Variants in ARHGAP24 observed in about 807,000 individuals in gnomAD.
The protein encoded by ARHGAP24 is Rho GTPase activating protein 24.
In ARHGAP24, 50 loss-of-function variants were observed where a neutral mutation model predicts 76.4. The observed-to-expected ratio is 0.65, with a 90% CI of 0.52 to 0.83. The LOEUF (loss-of-function observed/expected upper bound fraction) is 0.83, where lower values mean the gene tolerates loss of function less well. ARHGAP24 is among the 40% of genes least tolerant of loss of function. The pLI, the probability that ARHGAP24 is intolerant of heterozygous loss-of-function variation, is 0.00. For missense variants in ARHGAP24, 930 were observed against 914.2 expected (o/e 1.02, Z -0.22); for synonymous variants, 345 against 323.3 (o/e 1.07, Z -0.72).
At chr4:85,625,619 G>T (rs1720917201) in intron 2 of ARHGAP24, among the ~76,000 whole-genome samples, 3 of 152,042 alleles carry the variant, frequency 2.0e-5, no homozygotes. Flanking sequence ...TCAATTCCTG[G>T]ATATCCTTGT....
rs1578182329 is a variant in ARHGAP24 at position 85,490,049 on chromosome 4, T to C, written c.-21+14490T>C. On this transcript the variant is annotated intron_variant, in intron 1 of 9. Coordinates refer to ENST00000395184, the MANE Select transcript of ARHGAP24 (RefSeq NM_001025616.3). ...GAGCTGTATTATTAATGTGAAATGC[T>C]AGAATAATTCAGCAAGAGTAAATGA... is the stretch of plus-strand genomic sequence containing the variant. Among the ~76,000 whole-genome samples the C allele has an allele frequency of 2.0e-5, 3 of 152,174 alleles. No homozygotes were observed. The East Asian group carries it at 5.8e-4, about 29-fold the overall frequency.
chr4:85,780,689 C>T (rs766590378), intron 3 of ARHGAP24, among the ~76,000 whole-genome samples: 2 of 152,106 alleles, frequency 1.3e-5, no homozygotes, highest in Non-Finnish European at 1.5e-5. Flanking sequence ...GAATAAGAGG[C>T]AATAACTTTA....
intron 3 of ARHGAP24, among the ~76,000 whole-genome samples, chr4:85,914,343 G>A (rs1374737225): frequency 6.6e-6 from 1 of 151,946 alleles, no homozygotes. Context: ...ATGATGCATC[G>A]GGATCACCCA....
intron 3 of ARHGAP24, among the ~76,000 whole-genome samples, chr4:85,742,694 A>C (rs888186558): frequency 6.6e-5 from 10 of 152,106 alleles, no homozygotes; most frequent in Non-Finnish European, 1.3e-4. Context: ...GATTTCTGTG[A>C]CTCCAAAGTA....
intron 3 of ARHGAP24, among the ~76,000 whole-genome samples, chr4:85,819,374 T>G (rs1050730462): frequency 3.9e-5 from 6 of 152,100 alleles, no homozygotes; most frequent in South Asian, 2.1e-4. Flanking sequence ...AATTGAAACA[T>G]AGAGAGGAAA....
chr4:85,845,945 G>A (rs539498793), intron 3 of ARHGAP24, among the ~76,000 whole-genome samples: 40 of 150,410 alleles, frequency 2.7e-4, no homozygotes, highest in African/African-American at 9.8e-4. Flanking sequence ...TGCTCTTATT[G>A]TCCAGGCTGG....
intron 2 of ARHGAP24, among the ~76,000 whole-genome samples, chr4:85,580,002 G>C (rs1008645331): frequency 6.6e-6 from 1 of 152,084 alleles, no homozygotes; most frequent in African/African-American, 2.4e-5. Flanking sequence ...TATGGTAACT[G>C]TATGTTTAAC....
intron 2 of ARHGAP24, among the ~76,000 whole-genome samples, chr4:85,600,018 A>G (rs573104845): frequency 5.3e-5 from 8 of 152,286 alleles, no homozygotes; most frequent in African/African-American, 1.9e-4. Context: ...AATAAATAGT[A>G]TAGTTATAAA....
At chr4:85,829,603 A>G (rs994545548) in intron 3 of ARHGAP24, among the ~76,000 whole-genome samples, 3 of 152,234 alleles carry the variant, frequency 2.0e-5, no homozygotes, top group African/African-American at 7.2e-5. Flanking sequence ...CAAAGAATTG[A>G]TGATTGGCAT....
intron 2 of ARHGAP24, among the ~76,000 whole-genome samples, chr4:85,603,363 C>T (rs28652904): frequency 0.012 from 1,751 of 152,258 alleles, 37 homozygotes; most frequent in African/African-American, 0.039. Flanking sequence ...TTAGCTGTGA[C>T]GCACTTACCA....
At position 85,815,686 on chromosome 4, in the gene ARHGAP24, G is replaced by A. The variant is rs563251699; in HGVS notation, c.268+93714G>A. Among the ~76,000 whole-genome samples the A allele has an allele frequency of 5.9e-5, 9 of 152,268 alleles. No individual in the cohort carries two copies. In the East Asian group the frequency reaches 1.7e-3, roughly 29 times the overall value. ...GTTCAAAACTTTCCCATATTTTCCT[G>A]TCTTCTTCTGAGCCCTCCAAACTGT... is the stretch of plus-strand genomic sequence containing the variant. On this transcript the variant is annotated intron_variant, in intron 3 of 9. Coordinates refer to ENST00000395184, the MANE Select transcript of ARHGAP24 (RefSeq NM_001025616.3).
intron 3 of ARHGAP24, among the ~76,000 whole-genome samples, chr4:85,784,939 CTATCTATCTA>C (rs1727750681): frequency 6.6e-6 from 1 of 150,856 alleles, no homozygotes. Context: ...ATCTATCTAT[CTATCTATCTA>C]TCTATCTATC....
chr4:85,550,738 A>G (rs968320364), intron 1 of ARHGAP24, among the ~76,000 whole-genome samples: 2 of 151,990 alleles, frequency 1.3e-5, no homozygotes, highest in Admixed American at 6.6e-5. Context: ...GTAGTGTTTT[A>G]TAATTCTTGT....
intron 1 of ARHGAP24, among the ~76,000 whole-genome samples, chr4:85,506,825 A>G (rs1233406584): frequency 6.6e-6 from 1 of 152,166 alleles, no homozygotes; most frequent in African/African-American, 2.4e-5. Flanking sequence ...CGTCTTCTGC[A>G]TCAGTCACGC....
intron 3 of ARHGAP24, among the ~76,000 whole-genome samples, chr4:85,875,489 A>G (rs1441144742): frequency 1.1e-5 from 1 of 87,120 alleles, no homozygotes; most frequent in Admixed American, 2.1e-4. Context: ...CTTATATATT[A>G]TATTATATAT....
intron 2 of ARHGAP24, among the ~76,000 whole-genome samples, chr4:85,671,841 T>C (rs1454066710): frequency 1.3e-5 from 2 of 152,190 alleles, no homozygotes; most frequent in Non-Finnish European, 1.5e-5. Flanking sequence ...AATGTACTAT[T>C]GGACACATGC....
chr4:85,708,450 T>C (rs1429374799), intron 2 of ARHGAP24, among the ~76,000 whole-genome samples: 1 of 152,156 alleles, frequency 6.6e-6, no homozygotes, highest in African/African-American at 2.4e-5. Context: ...CATTTACTAA[T>C]GAGAAAACAG....
rs558127866 is a variant in ARHGAP24, at chr4:85,682,590, C to T, written c.181-39295C>T. On this transcript the variant is annotated intron_variant, in intron 2 of 9. Coordinates refer to ENST00000395184, the MANE Select transcript of ARHGAP24 (RefSeq NM_001025616.3). Reference sequence around the variant, plus strand: ...TGGAAATGCAGAATCATCAGTTTAGCCTCCAGAGAGATAATTCAAGTAATT... The same window carrying T: ...TGGAAATGCAGAATCATCAGTTTAGTCTCCAGAGAGATAATTCAAGTAATT... Among the ~76,000 whole-genome samples the T allele has an allele frequency of 3.3e-5, 5 of 152,332 alleles. No individual in the cohort carries two copies. The East Asian group carries it at 9.6e-4, about 29-fold the overall frequency.
chr4:85,620,020 C>T (rs971571366), intron 2 of ARHGAP24, among the ~76,000 whole-genome samples: 2 of 151,786 alleles, frequency 1.3e-5, no homozygotes, highest in Non-Finnish European at 1.5e-5. Flanking sequence ...TCCCACTTGA[C>T]CTGATGTATG....
Sources: gnomAD v4.1 joint callset for allele counts (sites outside exome capture counted in the v4.1 genomes callset) on GRCh38, gnomAD v4.1.1 for gene constraint, MANE v1.5 for transcripts, NCBI Gene and HGNC (gene_info 2026-07-23, HGNC 2026-07-21) for gene names.